The following SMARCAL1 variants were observed in gnomAD, a reference collection of about 807,000 sequenced individuals.
SMARCAL1 encodes SNF2 related chromatin remodeling annealing helicase 1.
In SMARCAL1, 58 loss-of-function variants were observed where a neutral mutation model predicts 94.5. The observed-to-expected ratio is 0.61, with a 90% CI of 0.50 to 0.76. SMARCAL1 has a LOEUF of 0.76. Ranked by LOEUF, SMARCAL1 falls within the 30% of genes least tolerant of loss-of-function variation. The probability of loss-of-function intolerance (pLI) is 0.00; values close to 1 mark genes in which losing one functional copy is unlikely to be tolerated. For missense variants in SMARCAL1, 1,051 were observed against 1,177.9 expected (o/e 0.89, Z 1.58); for synonymous variants, 422 against 455.1 (o/e 0.93, Z 0.93).
rs145129704 is a variant in SMARCAL1, at chr2:216,450,890, G to T, written c.1896G>T (p.Glu632Asp). The T allele has an allele frequency of 1.5e-5, 25 of 1,614,102 alleles. No individual in the cohort carries two copies. Among genetic ancestry groups the T allele is most frequent in the Non-Finnish European group, 2.1e-5 (25 of 1,180,048 alleles). ...WDYSGSSNLG[E>D]LKLLLEEAVM... is the part of the protein sequence containing the mutation. ...ACTCAGGTTCCTCCAACCTGGGAGA[G>T]CTGAAGCTCCTGCTGGAGGAAGCAG... The change falls in exon 12 of 18, where the codon GAG becomes GAT. Residue 632 changes from glutamate (E) to aspartate (D), a missense_variant. By Grantham distance (45) the Glu-to-Asp change is conservative. Transcript: ENST00000357276.
chr2:216,481,402 C>T (rs1234437176), intron 17 of SMARCAL1, among the ~76,000 whole-genome samples: 2 of 152,106 alleles, frequency 1.3e-5, no homozygotes, highest in Admixed American at 6.6e-5. Context: ...TGCCATGTTG[C>T]CCAGGCTGGT....
chr2:216,476,769 C>T (rs887944507), intron 15 of SMARCAL1, among the ~76,000 whole-genome samples: 5 of 152,204 alleles, frequency 3.3e-5, no homozygotes, highest in African/African-American at 1.2e-4. Flanking sequence ...GCCTCCATCA[C>T]CAGCCCCTCC....
chr2:216,464,035 C>T (rs868361466), intron 12 of SMARCAL1, among the ~76,000 whole-genome samples: 3 of 152,174 alleles, frequency 2.0e-5, no homozygotes, highest in Middle Eastern at 3.4e-3. Flanking sequence ...CAGAGCGAGA[C>T]TTTGTCTCAA....
chr2:216,438,555 C>T (rs532936101), intron 10 of SMARCAL1, 70 bp downstream of exon 10: 23 of 1,342,694 alleles, frequency 1.7e-5, no homozygotes, highest in East Asian at 2.4e-5. Flanking sequence ...GCTTGCATGT[C>T]GTCCTAGTCC....
At chr2:216,473,143 C>T (rs1019120174) in intron 14 of SMARCAL1, among the ~76,000 whole-genome samples, 1 of 152,000 alleles carries the variant, frequency 6.6e-6, no homozygotes, top group Non-Finnish European at 1.5e-5. Flanking sequence ...TTTGTAATCA[C>T]GCCCTCCTGC....
At chr2:216,476,747 G>A (rs1333098481) in intron 15 of SMARCAL1, among the ~76,000 whole-genome samples, 1 of 152,206 alleles carries the variant, frequency 6.6e-6, no homozygotes, top group Non-Finnish European at 1.5e-5. Context: ...GTGAAGAAAT[G>A]GAAGTGTGCA....
intron 12 of SMARCAL1, among the ~76,000 whole-genome samples, chr2:216,458,633 C>G (rs1350592326): frequency 6.6e-6 from 1 of 152,040 alleles, no homozygotes; most frequent in Non-Finnish European, 1.5e-5. Flanking sequence ...AATTTAACAG[C>G]CCTTCATGCT....
At chr2:216,443,455 G>A (rs1013221119) in intron 10 of SMARCAL1, among the ~76,000 whole-genome samples, 1 of 151,054 alleles carries the variant, frequency 6.6e-6, no homozygotes, top group African/African-American at 2.4e-5. Context: ...TAATATTTTG[G>A]TATTTTTGGT....
intron 12 of SMARCAL1, among the ~76,000 whole-genome samples, chr2:216,456,946 AC>A (rs538040456): frequency 1.5e-3 from 228 of 152,318 alleles, no homozygotes; most frequent in African/African-American, 5.1e-3. Flanking sequence ...TATTCAGGAA[AC>A]CCATCTCATG....
chr2:216,431,720 A>G (rs1297681246), intron 7 of SMARCAL1, among the ~76,000 whole-genome samples: 1 of 152,082 alleles, frequency 6.6e-6, no homozygotes, highest in African/African-American at 2.4e-5. Flanking sequence ...TGGGACTCCA[A>G]CCCCAGCCAA....
At chr2:216,477,010 T>C (rs1195465116) in intron 15 of SMARCAL1, 99 bp from the exon 16 acceptor site, 1 of 899,700 alleles carries the variant, frequency 1.1e-6, no homozygotes, top group South Asian at 1.4e-5. Flanking sequence ...GGGAGGGTTG[T>C]GGTGGGACTG....
chr2:216,432,779 A>G lies in SMARCAL1; in HGVS notation c.1396A>G (p.Ile466Val), dbSNP rs1378323707. ...TGACGACATGGGCCTGGGGAAGACC[A>G]TCCAAGCCATCTGCATCGCAGCCTT... ...LADDMGLGKT[I>V]QAICIAAFYR... is the part of the protein sequence containing the mutation. Residue 466 changes from isoleucine to valine, a missense_variant, in exon 8 of 18, where the codon ATC becomes GTC. Transcript: ENST00000357276. 3 of 1,614,222 alleles carry G rather than the reference A, an allele frequency of 1.9e-6. No homozygotes were observed.
rs1468128574 is a variant in SMARCAL1, at chr2:216,475,961, C to T, written c.2427+510C>T. On this transcript the variant is annotated intron_variant, in intron 15 of 17. Transcript: ENST00000357276. This position sits in a 1 kb window ranked among gnomAD's most constrained non-coding sequence, Gnocchi z 4.4. Reference sequence around the variant, plus strand: ...TGCACTGCCATAACTGAAGAGGGCACTTGGTGGCACCAGGTTGCAGCCCAG... The same window carrying T: ...TGCACTGCCATAACTGAAGAGGGCATTTGGTGGCACCAGGTTGCAGCCCAG... 6.6e-6 allele frequency among the ~76,000 whole-genome samples: 1 copy of T among 151,908 alleles called. No homozygotes were observed. The highest frequency in any genetic ancestry group is 1.9e-4 in the East Asian group (1 of 5,170).
At chr2:216,427,809 G>A (rs2106028247) in intron 6 of SMARCAL1, among the ~76,000 whole-genome samples, 1 of 152,292 alleles carries the variant, frequency 6.6e-6, no homozygotes, top group East Asian at 1.9e-4. Context: ...TGATGGTTGT[G>A]GCAAAAGACT....
At position 216,450,911 on chromosome 2, in the gene SMARCAL1, A is replaced by C; in HGVS notation, c.1917A>C (p.Glu639Asp). ...GAGAGCTGAAGCTCCTGCTGGAGGA[A>C]GCAGTCATGCTGCGGCGCCTCAAGT... ...NLGELKLLLE[E>D]AVMLRRLKSD... The change falls in exon 12 of 18, where the codon GAA (glutamate) becomes GAC (aspartate). Residue 639 changes from glutamate to aspartate, a missense_variant. Physicochemically the swap from Glu to Asp is conservative, Grantham distance 45. This residue lies in a region of SMARCAL1 where 642 missense variants were observed against 754.7 expected (regional missense o/e 0.85). Transcript: ENST00000357276. 1 of 1,614,212 alleles carries C rather than the reference A, an allele frequency of 6.2e-7. No homozygotes were observed. The highest frequency in any genetic ancestry group is 8.5e-7 in the Non-Finnish European group (1 of 1,180,038).
At position 216,478,213 on chromosome 2, in the gene SMARCAL1, C is replaced by G. The variant is rs746003613; in HGVS notation, c.2539C>G (p.Gln847Glu). The change falls in exon 17 of 18, where the codon CAA becomes GAA. Residue 847 changes from glutamine (Q) to glutamate (E), a missense_variant. By Grantham distance (29) the Gln-to-Glu change is conservative. Around this residue, in one of 3 missense-constraint regions of SMARCAL1, gnomAD observed 642 missense variants for 754.7 expected, o/e 0.85. Coordinates refer to ENST00000357276, the MANE Select transcript of SMARCAL1 (RefSeq NM_014140.4). ...TADDYLWPLI[Q>E]EKIKVLAEAG... Reference sequence around the variant, plus strand: ...ATTTCTCCCCAACAGGCCCCTGATTCAAGAGAAGATTAAAGTTCTGGCAGA... The same window carrying G: ...ATTTCTCCCCAACAGGCCCCTGATTGAAGAGAAGATTAAAGTTCTGGCAGA... 1.2e-6 allele frequency: 2 copies of G among 1,614,056 alleles called. No individual in the cohort carries two copies. The highest frequency in any genetic ancestry group is 1.1e-5 in the South Asian group (1 of 91,076).
At position 216,477,245 on chromosome 2, in the gene SMARCAL1, G is replaced by A. The variant is rs115145411; in HGVS notation, c.2528+36G>A. The A allele has an allele frequency of 1.8e-3, 2,559 of 1,414,472 alleles. 49 individuals are homozygous for A. The African/African-American group carries it at 0.032, about 18-fold the overall frequency. 87.6% of individuals were successfully genotyped at this position (1,414,472 alleles called of 1,614,324 possible). A position where few individuals can be genotyped will look rare whatever the true frequency, so the allele number is the denominator to read the frequency against. On this transcript the variant is annotated intron_variant, in intron 16 of 17. Coordinates refer to ENST00000357276, the MANE Select transcript of SMARCAL1 (RefSeq NM_014140.4). ...GTTGGGTGGCCTGGCAGTTGGAGTC[G>A]AGCAAGGGTGGAAACTGATGATATG...
chr2:216,415,615 C>A, intron 3 of SMARCAL1, 100 bp downstream of exon 3: 1 of 1,086,548 alleles, frequency 9.2e-7, no homozygotes, highest in Non-Finnish European at 1.4e-6. Context: ...AGTGCATTGG[C>A]ACATGCTGTC....
intron 14 of SMARCAL1, among the ~76,000 whole-genome samples, chr2:216,473,062 T>A (rs1000798820): frequency 1.3e-5 from 2 of 152,176 alleles, no homozygotes; most frequent in Non-Finnish European, 2.9e-5. Context: ...CTGCACATAA[T>A]GTGTACAATT....
Sources: gnomAD v4.1 joint callset for allele counts (sites outside exome capture counted in the v4.1 genomes callset) on GRCh38, gnomAD v4.1.1 for gene constraint, gnomAD v4.1.1 regional missense constraint, Gnocchi (gnomAD v3.1) non-coding constraint, MANE v1.5 for transcripts, NCBI Gene and HGNC (gene_info 2026-07-23, HGNC 2026-07-21) for gene names.